Variants in STARD13 observed in about 807,000 individuals in gnomAD.
The protein encoded by STARD13 is StAR related lipid transfer domain containing 13.
A neutral mutation model predicts 106.4 loss-of-function variants in STARD13; 62 were observed. That is an observed-to-expected ratio of 0.58 (90% confidence interval 0.48 to 0.72). The LOEUF (loss-of-function observed/expected upper bound fraction) is 0.72, where lower values mean the gene tolerates loss of function less well. STARD13 is among the 30% of genes least tolerant of loss of function. The pLI is 0.00. For missense variants in STARD13, 1,387 were observed against 1,424.0 expected (o/e 0.97, Z 0.42); for synonymous variants, 565 against 553.0 (o/e 1.02, Z -0.31).
the STARD13 span, among the ~76,000 whole-genome samples, chr13:33,544,884 C>T: frequency 6.6e-6 from 1 of 151,252 alleles, no homozygotes; most frequent in African/African-American, 2.4e-5. Context: ...AGCGATTCTC[C>T]TGCCTCAACC....
chr13:33,143,289 G>A (rs1205331027), intron 3 of STARD13, among the ~76,000 whole-genome samples: 1 of 152,188 alleles, frequency 6.6e-6, no homozygotes, highest in South Asian at 2.1e-4. Flanking sequence ...TTACAGGCAT[G>A]AGCCACTGTG....
upstream of STARD13, chr13:33,350,786 C>G (rs976391936): frequency 9.5e-6 from 4 of 420,894 alleles, no homozygotes; most frequent in Admixed American, 6.4e-5. Flanking sequence ...CCCCTTCCCT[C>G]CCTCGCCCAA....
In STARD13 at chr13:33,127,546, C is replaced by G. The variant is rs1877389096; in HGVS notation, c.1749G>C (p.Arg583Ser). The G allele has an allele frequency of 1.3e-6, 2 of 1,535,972 alleles. No homozygotes were observed. The highest frequency in any genetic ancestry group is 1.7e-6 in the Non-Finnish European group (2 of 1,149,208). Residue 583 changes from arginine to serine, a missense_variant and splice_region_variant, in exon 6 of 14, where the codon AGG becomes AGC. By Grantham distance (110) the Arg-to-Ser change is moderately radical. Coordinates refer to ENST00000336934, the MANE Select transcript of STARD13 (RefSeq NM_178006.4). ...GVGASLTRPN[R>S]RLRWNSFQLS... is the part of the protein sequence containing the mutation. The stretch of plus-strand genomic sequence containing the variant: ...GCTGGAAACTGTTCCATCGGAGTCG[C>G]CTTTACCAGAGAGACCATCAGAGAA...
the STARD13 span, among the ~76,000 whole-genome samples, chr13:33,443,415 T>C: frequency 6.8e-6 from 1 of 146,450 alleles, no homozygotes; most frequent in East Asian, 2.0e-4. Flanking sequence ...ATAAATTTTA[T>C]GTTAAGTGAA....
intron 8 of STARD13, chr13:33,113,134 A>C: frequency 1.8e-6 from 1 of 548,032 alleles, no homozygotes; most frequent in Non-Finnish European, 3.2e-6. Flanking sequence ...CTGAGTCCCA[A>C]CCCTTGCAAT....
chr13:33,182,386 C>T lies in STARD13; in HGVS notation c.170-14764G>A, dbSNP rs1302478450. Among the ~76,000 whole-genome samples, 3 of 152,260 alleles carry T rather than the reference C, an allele frequency of 2.0e-5. No homozygotes were observed. The East Asian group carries it at 5.8e-4, about 29-fold the overall frequency. ...TAGATTCATTCTGTCTCTTCCAGTCCCCATATTCTCACTACACAACCCCAG... is the reference window on the plus strand; with the variant it reads ...TAGATTCATTCTGTCTCTTCCAGTCTCCATATTCTCACTACACAACCCCAG... On this transcript the variant is annotated intron_variant, in intron 1 of 13. Coordinates refer to ENST00000336934, the MANE Select transcript of STARD13 (RefSeq NM_178006.4).
At chr13:33,453,260 G>C in the STARD13 span, among the ~76,000 whole-genome samples, 1 of 152,314 alleles carries the variant, frequency 6.6e-6, no homozygotes, top group Admixed American at 6.5e-5. Flanking sequence ...AACATGCTAT[G>C]CTTCATAAGC....
At chr13:33,169,443 T>C (rs934661605) in intron 1 of STARD13, among the ~76,000 whole-genome samples, 6 of 152,148 alleles carry the variant, frequency 3.9e-5, no homozygotes, top group Non-Finnish European at 8.8e-5. Context: ...TGCTCCTGAG[T>C]CATGGATAAA....
chr13:33,226,226 C>T (rs1888617767), intron 1 of STARD13, among the ~76,000 whole-genome samples: 1 of 152,202 alleles, frequency 6.6e-6, no homozygotes, highest in South Asian at 2.1e-4. Context: ...GCAGCCTGAG[C>T]AAACTAATGC....
At chr13:33,151,937 T>C (rs1367249071) in intron 3 of STARD13, among the ~76,000 whole-genome samples, 3 of 152,172 alleles carry the variant, frequency 2.0e-5, no homozygotes, top group African/African-American at 7.2e-5. Context: ...GACTCCCAGA[T>C]TTCAGACTTT....
At chr13:33,283,009 G>A (rs542597806) in intron 1 of STARD13, among the ~76,000 whole-genome samples, 9 of 152,204 alleles carry the variant, frequency 5.9e-5, no homozygotes, top group South Asian at 4.2e-4. Context: ...CAGCCTCGGC[G>A]ACAGAGTAAG....
At chr13:33,615,403 T>C in the STARD13 span, among the ~76,000 whole-genome samples, 1 of 152,202 alleles carries the variant, frequency 6.6e-6, no homozygotes, top group Non-Finnish European at 1.5e-5. Context: ...TATGGATTTT[T>C]AAACTTAAAG....
At chr13:33,205,471 A>T (rs1887350776) in intron 1 of STARD13, among the ~76,000 whole-genome samples, 1 of 152,240 alleles carries the variant, frequency 6.6e-6, no homozygotes, top group Non-Finnish European at 1.5e-5. Flanking sequence ...ACTGCCTTTG[A>T]GGAAAGATAC....
chr13:33,191,280 A>G (rs1416104085), intron 1 of STARD13, among the ~76,000 whole-genome samples: 5 of 152,210 alleles, frequency 3.3e-5, no homozygotes, highest in Admixed American at 2.6e-4. Flanking sequence ...CACAGACCCC[A>G]TCTATTATTG....
the STARD13 span, among the ~76,000 whole-genome samples, chr13:33,470,204 C>T: frequency 1.3e-5 from 2 of 152,114 alleles, no homozygotes; most frequent in African/African-American, 4.8e-5. Context: ...CAGCTACATC[C>T]ATGTCCCTGC....
intron 1 of STARD13, chr13:33,275,941 A>G (rs1444300606): frequency 3.3e-5 from 5 of 152,260 alleles, no homozygotes; most frequent in Admixed American, 6.5e-5. Context: ...CAGTGATAAC[A>G]CATAAAAATT....
chr13:33,547,356 C>G, the STARD13 span, among the ~76,000 whole-genome samples: 1 of 152,182 alleles, frequency 6.6e-6, no homozygotes, highest in Non-Finnish European at 1.5e-5. Context: ...AATGAACATT[C>G]CTACTGTACA....
the STARD13 span, among the ~76,000 whole-genome samples, chr13:33,648,813 C>T: frequency 1.4e-4 from 12 of 85,604 alleles, no homozygotes; most frequent in African/African-American, 6.0e-4. Context: ...TTTTTTGAGA[C>T]AGAATTTCGC....
At chr13:33,193,746 C>T (rs757116325) in intron 1 of STARD13, among the ~76,000 whole-genome samples, 2 of 151,888 alleles carry the variant, frequency 1.3e-5, no homozygotes, top group Non-Finnish European at 2.9e-5. Flanking sequence ...GAAAACAAAA[C>T]AAAACAAAAA....
Sources: gnomAD v4.1 joint callset for allele counts (sites outside exome capture counted in the v4.1 genomes callset) on GRCh38, gnomAD v4.1.1 for gene constraint, MANE v1.5 for transcripts, NCBI Gene and HGNC (gene_info 2026-07-23, HGNC 2026-07-21) for gene names.